The following NAV1 variants were observed in gnomAD, a reference collection of about 807,000 sequenced individuals.
The protein encoded by NAV1 is pore membrane and/or filament interacting like protein 3.
A neutral mutation model predicts 175.2 loss-of-function variants in NAV1; 18 were observed. The observed-to-expected ratio is 0.10, with a 90% CI of 0.07 to 0.15. The LOEUF (loss-of-function observed/expected upper bound fraction) is 0.15, where lower values mean the gene tolerates loss of function less well. Among genes scored for constraint, NAV1 ranks in the 10% least tolerant of loss-of-function variants. The pLI is 1.00. For missense variants in NAV1, 1,731 were observed against 2,436.6 expected (o/e 0.71, Z 6.10); for synonymous variants, 897 against 978.7 (o/e 0.92, Z 1.56).
intron 3 of NAV1, among the ~76,000 whole-genome samples, chr1:201,765,293 A>G (rs1179571027): frequency 6.6e-6 from 1 of 151,108 alleles, no homozygotes; most frequent in Non-Finnish European, 1.5e-5. Flanking sequence ...GTGGAAATCT[A>G]TTATTTCAGC....
At chr1:201,606,535 T>C (rs476424) in intron 2 of NAV1, among the ~76,000 whole-genome samples, 55,931 of 152,020 alleles carry the variant, frequency 0.37, 11,467 homozygotes, top group African/African-American at 0.54. Context: ...CATCTTTGCG[T>C]CTCCAAACTC....
intron 1 of NAV1, among the ~76,000 whole-genome samples, chr1:201,560,267 A>G (rs754670475): frequency 3.3e-5 from 5 of 152,192 alleles, no homozygotes; most frequent in Non-Finnish European, 2.9e-5. Flanking sequence ...GTGATAGAGT[A>G]TGGGACAGGC....
intron 1 of NAV1, among the ~76,000 whole-genome samples, chr1:201,702,696 C>T (rs866627398): frequency 0.052 from 7,466 of 143,244 alleles, 702 homozygotes; most frequent in Middle Eastern, 0.086. Context: ...CTCTCTCTCT[C>T]TCTCTCTCTC....
intron 1 of NAV1, among the ~76,000 whole-genome samples, chr1:201,550,987 T>C (rs2102452952): frequency 6.6e-6 from 1 of 152,362 alleles, no homozygotes; most frequent in East Asian, 1.9e-4. Context: ...CTATGGTCCG[T>C]GCTGAATGAC....
At chr1:201,779,467 G>A (rs1052968970) in intron 3 of NAV1, among the ~76,000 whole-genome samples, 6 of 150,786 alleles carry the variant, frequency 4.0e-5, no homozygotes, top group African/African-American at 9.8e-5. Context: ...GTGTCGTGGC[G>A]GGTGCCTGTA....
In NAV1 at chr1:201,652,063, G is replaced by A. The variant is rs1195933765; in HGVS notation, c.757+2638G>A. Among the ~76,000 whole-genome samples, 5 of 152,096 alleles carry A rather than the reference G, an allele frequency of 3.3e-5. No homozygotes were observed. The East Asian group carries it at 5.8e-4, about 18-fold the overall frequency. Reference sequence around the variant, plus strand: ...CAGAGCCAATGATGGTGGTGTTCAGGTATCAGACAGGCCCTCAGTGTACAG... The same window carrying A: ...CAGAGCCAATGATGGTGGTGTTCAGATATCAGACAGGCCCTCAGTGTACAG... On this transcript the variant is annotated intron_variant, in intron 1 of 29. Transcript: ENST00000367296.
chr1:201,643,897 A>G (rs151263869), upstream of NAV1, among the ~76,000 whole-genome samples: 447 of 152,346 alleles, frequency 2.9e-3, 5 homozygotes, highest in African/African-American at 9.3e-3. Context: ...ATCACACAGC[A>G]TGCGTCTCCT....
chr1:201,804,470 A>T lies in NAV1; in HGVS notation c.3640-19A>T, dbSNP rs1285010714. The T allele has an allele frequency of 5.2e-6, 8 of 1,546,238 alleles. No homozygotes were observed. The East Asian group carries it at 1.5e-4, about 28-fold the overall frequency. Reference sequence around the variant, plus strand: ...TTTTTCCTTCAAAATGCTGACTCCAAATCCCTATTTTTTTCCAGGTCTATG... The same window carrying T: ...TTTTTCCTTCAAAATGCTGACTCCATATCCCTATTTTTTTCCAGGTCTATG... On this transcript the variant is annotated intron_variant, in intron 16 of 29. Coordinates refer to ENST00000367296, the Ensembl canonical transcript of NAV1.
intron 1 of NAV1, among the ~76,000 whole-genome samples, chr1:201,569,170 T>A (rs754264098): frequency 3.9e-5 from 6 of 152,088 alleles, no homozygotes; most frequent in Non-Finnish European, 5.9e-5. Flanking sequence ...CTCATCCAGG[T>A]GTGAAAAGCC....
intron 1 of NAV1, among the ~76,000 whole-genome samples, chr1:201,570,732 C>G (rs1282862884): frequency 6.6e-6 from 1 of 152,202 alleles, no homozygotes. Flanking sequence ...GAAGAGGCAC[C>G]AAGCACATTG....
At chr1:201,540,210 C>G (rs946827297) in intron 1 of NAV1, among the ~76,000 whole-genome samples, 4 of 152,170 alleles carry the variant, frequency 2.6e-5, no homozygotes, top group Admixed American at 1.3e-4. Context: ...TTCCTTGTCC[C>G]CTGGAGCCGA....
At chr1:201,608,243 G>A (rs1279995609) in intron 2 of NAV1, among the ~76,000 whole-genome samples, 1 of 152,160 alleles carries the variant, frequency 6.6e-6, no homozygotes, top group Non-Finnish European at 1.5e-5. Context: ...CAGCTTATAA[G>A]TAGAACCGGA....
At chr1:201,819,734 C>A in intron 29 of NAV1, 103 bp from the exon 34 acceptor site, 2 of 964,632 alleles carry the variant, frequency 2.1e-6, no homozygotes, top group Non-Finnish European at 3.3e-6. Flanking sequence ...ATCCTTCCAC[C>A]TTGGCCTCCC....
intron 1 of NAV1, among the ~76,000 whole-genome samples, chr1:201,677,893 G>A (rs1558059273): frequency 6.6e-6 from 1 of 152,134 alleles, no homozygotes; most frequent in Non-Finnish European, 1.5e-5. Flanking sequence ...GCTTCCCAAA[G>A]TGCTGAGATT....
chr1:201,670,026 G>T (rs538308644), intron 1 of NAV1, among the ~76,000 whole-genome samples: 14 of 151,918 alleles, frequency 9.2e-5, no homozygotes, highest in African/African-American at 3.1e-4. Context: ...AAATACAAAA[G>T]TTCCTTATGT....
chr1:201,595,372 TTCAACTAAAGCTTTCTCAATAAGCCAGA>T (rs1238571111), intron 2 of NAV1, among the ~76,000 whole-genome samples: 4 of 152,246 alleles, frequency 2.6e-5, no homozygotes, highest in Non-Finnish European at 5.9e-5. Flanking sequence ...ATCCCTTCCT[TTCAACTAAAGCTTTCTCAATAAGCCAGA>T]TCTTCAGAGG....
intron 1 of NAV1, among the ~76,000 whole-genome samples, chr1:201,581,185 G>A (rs975756998): frequency 1.3e-5 from 2 of 152,220 alleles, no homozygotes; most frequent in African/African-American, 2.4e-5. Context: ...GCAGGGAGTG[G>A]AGAGACCAGC....
upstream of NAV1, among the ~76,000 whole-genome samples, chr1:201,620,832 A>G (rs1240093207): frequency 6.6e-6 from 1 of 151,998 alleles, no homozygotes. Context: ...TACATTTGAT[A>G]GCAACAAATG....
intron 1 of NAV1, among the ~76,000 whole-genome samples, chr1:201,700,878 G>A (rs953855092): frequency 1.3e-5 from 2 of 151,720 alleles, no homozygotes; most frequent in Admixed American, 6.6e-5. Flanking sequence ...AGGCGTGGTG[G>A]CAGGCGCCTG....
Sources: allele counts gnomAD v4.1 joint callset (sites outside exome capture counted in the v4.1 genomes callset), GRCh38; gene constraint gnomAD v4.1.1; transcripts MANE v1.5; gene names NCBI Gene and HGNC (gene_info 2026-07-23, HGNC 2026-07-21).